Variants in MKLN1 observed in about 807,000 individuals in gnomAD.
MKLN1 encodes muskelin.
MKLN1 carries 18 observed loss-of-function variants against 99.0 expected under a neutral mutation model. That is an observed-to-expected ratio of 0.18 (90% CI 0.13 to 0.27). MKLN1 has a LOEUF of 0.27. MKLN1 is among the 10% of genes least tolerant of loss of function. The pLI is 1.00. For synonymous variants in MKLN1, 288 were observed against 293.2 expected (o/e 0.98, Z 0.18); for missense variants, 621 against 875.9 (o/e 0.71, Z 3.67).
intron 2 of MKLN1, among the ~76,000 whole-genome samples, chr7:131,385,521 A>G (rs1023901687): frequency 2.0e-5 from 3 of 152,008 alleles, no homozygotes; most frequent in Non-Finnish European, 4.4e-5. Flanking sequence ...CTTTGTCAAC[A>G]CTTACGGTTT....
At chr7:131,180,858 G>A (rs958158909) in intron 2 of MKLN1, among the ~76,000 whole-genome samples, 24 of 151,982 alleles carry the variant, frequency 1.6e-4, no homozygotes, top group Admixed American at 1.5e-3. Context: ...ATTCCATACA[G>A]AAAATTATTT....
At chr7:131,423,434 G>C (rs190441734) in intron 8 of MKLN1, among the ~76,000 whole-genome samples, 8 of 152,300 alleles carry the variant, frequency 5.3e-5, no homozygotes, top group African/African-American at 1.9e-4. Context: ...CTGGGTTCAA[G>C]TGATTCTCCT....
chr7:131,147,580 A>G (rs924043305), intron 2 of MKLN1, among the ~76,000 whole-genome samples: 62 of 152,188 alleles, frequency 4.1e-4, no homozygotes, highest in African/African-American at 1.2e-3. Context: ...ATCTTAAGAC[A>G]TTTAATCTTC....
At chr7:131,165,126 G>A (rs949149995) in intron 2 of MKLN1, among the ~76,000 whole-genome samples, 1 of 152,088 alleles carries the variant, frequency 6.6e-6, no homozygotes, top group African/African-American at 2.4e-5. Flanking sequence ...TTGGGATCCC[G>A]GAAGTGTGGG....
In MKLN1 at chr7:131,491,647, A is replaced by G. The variant is rs1324950327; in HGVS notation, c.*3919A>G. ...ATACGAAGCTGACTAGCTTACGTGA[A>G]TGATGTTGCCCTCATTTGTTTTGGG... On this transcript the variant is annotated 3_prime_UTR_variant, in exon 18 of 18. Coordinates refer to ENST00000352689, the MANE Select transcript of MKLN1 (RefSeq NM_013255.5). 1 of 152,248 alleles carries G rather than the reference A, an allele frequency of 6.6e-6. No individual in the cohort carries two copies. The highest frequency in any genetic ancestry group is 6.6e-5 in the Admixed American group (1 of 15,266). 9.4% of individuals were successfully genotyped at this position (152,248 alleles called of 1,614,324 possible).
chr7:131,483,780 A>T (rs1384888769), intron 17 of MKLN1, among the ~76,000 whole-genome samples: 3 of 152,258 alleles, frequency 2.0e-5, no homozygotes, highest in Non-Finnish European at 2.9e-5. Context: ...CAGAGATCAC[A>T]GAGTTCAGCT....
At position 131,488,508 on chromosome 7, in the gene MKLN1, A is replaced by G. The variant is rs1797345582; in HGVS notation, c.*780A>G. 1 of 152,582 alleles carries G rather than the reference A, an allele frequency of 6.6e-6. No homozygotes were observed. Among genetic ancestry groups the G allele is most frequent in the South Asian group, 2.1e-4 (1 of 4,828 alleles). The allele number at this position is 152,582 out of a possible 1,614,324, so 9.5% of individuals were successfully genotyped here. On this transcript the variant is annotated 3_prime_UTR_variant, in exon 18 of 18. Coordinates refer to ENST00000352689, the MANE Select transcript of MKLN1 (RefSeq NM_013255.5). ...CCTTAAACTGAGGAGACAATAGTTC[A>G]GAACCTTTTTAAGAGCCATTCTAAA...
At chr7:131,298,964 T>C (rs1428286944) in intron 3 of MKLN1, among the ~76,000 whole-genome samples, 1 of 152,208 alleles carries the variant, frequency 6.6e-6, no homozygotes, top group East Asian at 1.9e-4. Context: ...GAGCGCTTCA[T>C]GCCAGGAGTT....
chr7:131,309,721 A>ATTGTTTTTTTTT (rs1798528704), intron 3 of MKLN1: 3 of 87,544 alleles, frequency 3.4e-5, no homozygotes, highest in Non-Finnish European at 4.3e-5. Flanking sequence ...CCACAAGTGG[A>ATTGTTTTTTTTT]TTTTTTTTTT....
At chr7:131,110,773 A>C (rs1173446591) in intron 1 of MKLN1, among the ~76,000 whole-genome samples, 2 of 152,178 alleles carry the variant, frequency 1.3e-5, no homozygotes, top group East Asian at 3.9e-4. Context: ...GGCTTAAAGG[A>C]GAAAGAAAAC....
intron 3 of MKLN1, among the ~76,000 whole-genome samples, chr7:131,238,763 GC>G: frequency 6.6e-6 from 1 of 152,324 alleles, no homozygotes; most frequent in South Asian, 2.1e-4. Flanking sequence ...AAGGAACTAG[GC>G]CACTTCTATC....
chr7:131,306,758 G>C (rs981163076), intron 3 of MKLN1, among the ~76,000 whole-genome samples: 2 of 152,196 alleles, frequency 1.3e-5, no homozygotes, highest in African/African-American at 4.8e-5. Flanking sequence ...GAGCATAAAA[G>C]TTTGGAAAAT....
chr7:131,485,851 G>A (rs1288344072), intron 17 of MKLN1, among the ~76,000 whole-genome samples: 1 of 152,056 alleles, frequency 6.6e-6, no homozygotes, highest in Non-Finnish European at 1.5e-5. Flanking sequence ...ACTAAATGCA[G>A]TGTGTGATCT....
intron 15 of MKLN1, among the ~76,000 whole-genome samples, chr7:131,469,757 T>C (rs979615072): frequency 6.6e-6 from 1 of 152,218 alleles, no homozygotes; most frequent in African/African-American, 2.4e-5. Context: ...AATAAACCTG[T>C]ATGTAATTAT....
intron 3 of MKLN1, among the ~76,000 whole-genome samples, chr7:131,208,210 G>T (rs1796848198): frequency 6.6e-6 from 1 of 152,200 alleles, no homozygotes; most frequent in African/African-American, 2.4e-5. Flanking sequence ...AAAGAGGTAG[G>T]GTGGAAGATG....
chr7:131,263,337 C>T (rs1797760563), intron 3 of MKLN1, among the ~76,000 whole-genome samples: 1 of 77,378 alleles, frequency 1.3e-5, no homozygotes, highest in South Asian at 5.6e-4. Flanking sequence ...GACCTCATCT[C>T]TACAATTATT....
At chr7:131,291,997 T>C (rs1217721956) in intron 3 of MKLN1, among the ~76,000 whole-genome samples, 2 of 151,894 alleles carry the variant, frequency 1.3e-5, no homozygotes, top group Non-Finnish European at 2.9e-5. Context: ...GTCCTAGCTA[T>C]TCAGGGGGCC....
chr7:131,196,286 A>C (rs1285497484), intron 2 of MKLN1, among the ~76,000 whole-genome samples: 1 of 152,164 alleles, frequency 6.6e-6, no homozygotes, highest in Non-Finnish European at 1.5e-5. Flanking sequence ...TCCTCTTTAG[A>C]AGGCAATATA....
intron 2 of MKLN1, among the ~76,000 whole-genome samples, chr7:131,384,315 G>A (rs1793943728): frequency 6.8e-6 from 1 of 147,752 alleles, no homozygotes; most frequent in East Asian, 2.0e-4. Context: ...GGGATCTCGA[G>A]GTGAGAGCAT....
Sources: gnomAD v4.1 joint callset for allele counts (sites outside exome capture counted in the v4.1 genomes callset) on GRCh38, gnomAD v4.1.1 for gene constraint, MANE v1.5 for transcripts, NCBI Gene and HGNC (gene_info 2026-07-23, HGNC 2026-07-21) for gene names.